Variants in CSMD1 observed in about 807,000 individuals in gnomAD.
The protein encoded by CSMD1 is CUB and Sushi multiple domains 1, also known as CUB and sushi domain-containing protein 1.
A neutral mutation model predicts 417.5 loss-of-function variants in CSMD1; 213 were observed. The ratio of observed to expected loss-of-function variants is 0.51; its 90% CI spans 0.46 to 0.57. The LOEUF (loss-of-function observed/expected upper bound fraction) is 0.57. CSMD1 is among the 20% of genes least tolerant of loss of function. The probability of loss-of-function intolerance (pLI) is 0.00; values close to 1 mark genes in which losing one functional copy is unlikely to be tolerated. For synonymous variants in CSMD1, 2,862 were observed against 1,736.8 expected (o/e 1.65, Z -16.11); for missense variants, 6,923 against 4,529.7 (o/e 1.53, Z -15.17).
intron 3 of CSMD1, among the ~76,000 whole-genome samples, chr8:4,373,425 G>C (rs1217475124): frequency 2.6e-5 from 4 of 152,196 alleles, no homozygotes; most frequent in Non-Finnish European, 4.4e-5. Flanking sequence ...AGGAGACAGA[G>C]TGTGGAGTAT....
intron 6 of CSMD1, among the ~76,000 whole-genome samples, chr8:3,710,609 C>A (rs933979298): frequency 2.0e-5 from 3 of 152,118 alleles, no homozygotes; most frequent in Non-Finnish European, 4.4e-5. Flanking sequence ...GTGCTTGGCC[C>A]CTGTGTATTC....
intron 3 of CSMD1, among the ~76,000 whole-genome samples, chr8:4,186,282 G>A (rs550261133): frequency 1.4e-4 from 21 of 152,208 alleles, no homozygotes; most frequent in Admixed American, 9.2e-4. Context: ...TACAAGAGAA[G>A]GAGGCCCGTG....
chr8:3,174,033 T>C (rs1465589724), intron 37 of CSMD1, among the ~76,000 whole-genome samples: 3 of 152,178 alleles, frequency 2.0e-5, no homozygotes, highest in African/African-American at 7.2e-5. Flanking sequence ...GGAAATGAAA[T>C]GGAGCTCATA....
At chr8:3,711,350 C>T (rs888397006) in intron 6 of CSMD1, among the ~76,000 whole-genome samples, 10 of 152,158 alleles carry the variant, frequency 6.6e-5, no homozygotes, top group African/African-American at 2.2e-4. Flanking sequence ...GATCCCCCTC[C>T]AAGGAAGGGC....
intron 3 of CSMD1, among the ~76,000 whole-genome samples, chr8:4,298,433 T>A (rs1198700549): frequency 1.3e-5 from 2 of 152,108 alleles, no homozygotes; most frequent in Non-Finnish European, 2.9e-5. Context: ...TATACAAAGT[T>A]GTGAATAATT....
intron 10 of CSMD1, among the ~76,000 whole-genome samples, chr8:3,570,345 T>A (rs185743519): frequency 6.6e-6 from 1 of 152,320 alleles, no homozygotes; most frequent in East Asian, 1.9e-4. Flanking sequence ...CTTCCTGGCT[T>A]CTAGATATTT....
At chr8:4,714,089 G>C (rs1379165011) in intron 1 of CSMD1, among the ~76,000 whole-genome samples, 1 of 152,002 alleles carries the variant, frequency 6.6e-6, no homozygotes, top group African/African-American at 2.4e-5. Flanking sequence ...AGGTTGCAGT[G>C]AGCCAAGATC....
intron 4 of CSMD1, among the ~76,000 whole-genome samples, chr8:4,023,832 T>A (rs1413012776): frequency 1.5e-5 from 2 of 136,298 alleles, no homozygotes; most frequent in South Asian, 2.4e-4. Flanking sequence ...TTAGCCAGGA[T>A]GGCCTCGATC....
At chr8:3,123,102 C>G (rs1050821107) in intron 41 of CSMD1, among the ~76,000 whole-genome samples, 4 of 152,160 alleles carry the variant, frequency 2.6e-5, no homozygotes, top group African/African-American at 7.2e-5. Flanking sequence ...ATTTGAAAAA[C>G]TAGATGCTTA....
chr8:3,751,725 T>G (rs1797353331), intron 6 of CSMD1, among the ~76,000 whole-genome samples: 1 of 152,118 alleles, frequency 6.6e-6, no homozygotes, highest in African/African-American at 2.4e-5. Context: ...TCTACCATCT[T>G]GGAGCAGCTT....
At chr8:3,613,203 G>A (rs957393446) in intron 8 of CSMD1, 2 of 285,548 alleles carry the variant, frequency 7.0e-6, no homozygotes, top group African/African-American at 2.3e-5. Flanking sequence ...CACTATCAAA[G>A]CTCACTGAAG....
At chr8:4,585,132 C>G (rs1799635413) in intron 2 of CSMD1, among the ~76,000 whole-genome samples, 1 of 148,070 alleles carries the variant, frequency 6.8e-6, no homozygotes, top group Non-Finnish European at 1.5e-5. Context: ...AAGAGACTAA[C>G]AGGAAGTGTA....
intron 56 of CSMD1, 137 bp downstream of exon 56, chr8:2,974,314 G>C: frequency 3.8e-6 from 3 of 791,688 alleles, no homozygotes; most frequent in Non-Finnish European, 5.6e-6. Context: ...TATTTGGCTA[G>C]AAATGCAATA....
chr8:4,965,848 G>A (rs1809822375), intron 1 of CSMD1, among the ~76,000 whole-genome samples: 1 of 152,000 alleles, frequency 6.6e-6, no homozygotes, highest in South Asian at 2.1e-4. Flanking sequence ...GTTGATTGGA[G>A]GATAAACATG....
chr8:4,088,549 A>G (rs1800543985), intron 3 of CSMD1, among the ~76,000 whole-genome samples: 2 of 151,988 alleles, frequency 1.3e-5, no homozygotes, highest in Admixed American at 6.6e-5. Context: ...AAATCTCTCA[A>G]ACCTTAAAAA....
At chr8:3,760,670 C>G (rs184194215) in intron 5 of CSMD1, among the ~76,000 whole-genome samples, 1 of 152,172 alleles carries the variant, frequency 6.6e-6, no homozygotes, top group Non-Finnish European at 1.5e-5. Flanking sequence ...TTCTAAAATG[C>G]ATTTGGAAAT....
chr8:3,069,465 G>A (rs1813179432), intron 49 of CSMD1, among the ~76,000 whole-genome samples: 1 of 151,898 alleles, frequency 6.6e-6, no homozygotes, highest in Non-Finnish European at 1.5e-5. Context: ...AAAAGAAAGG[G>A]ATTACATGCC....
intron 52 of CSMD1, among the ~76,000 whole-genome samples, chr8:3,013,505 C>G (rs1808578938): frequency 6.6e-6 from 1 of 152,170 alleles, no homozygotes; most frequent in African/African-American, 2.4e-5. Context: ...AATCCCAGCA[C>G]TTTGGGAGGC....
chr8:4,476,125 C>T (rs1016896909), intron 2 of CSMD1, among the ~76,000 whole-genome samples: 1 of 151,866 alleles, frequency 6.6e-6, no homozygotes, highest in Non-Finnish European at 1.5e-5. Flanking sequence ...AAACAAGTTA[C>T]ATTAACTATT....
Sources: allele counts gnomAD v4.1 joint callset (sites outside exome capture counted in the v4.1 genomes callset), GRCh38; gene constraint gnomAD v4.1.1; transcripts MANE v1.5; gene names NCBI Gene and HGNC (gene_info 2026-07-23, HGNC 2026-07-21).